The following TTLL11 variants were observed in gnomAD, a reference collection of about 807,000 sequenced individuals.
The protein encoded by TTLL11 is tubulin tyrosine ligase like 11.
Under a neutral mutation model 51.7 loss-of-function variants are expected in TTLL11, and 42 were observed. The ratio of observed to expected loss-of-function variants is 0.81; its 90% CI spans 0.64 to 1.05. The LOEUF is 1.05. Among genes scored for constraint, TTLL11 ranks in the 50% least tolerant of loss-of-function variants. The pLI, the probability that TTLL11 is intolerant of heterozygous loss-of-function variation, is 0.00. For synonymous variants in TTLL11, 381 were observed against 383.5 expected, an observed-to-expected ratio of 0.99 and a Z score of 0.08; for missense variants, 799 against 940.4, an observed-to-expected ratio of 0.85 and a Z score of 1.97.
chr9:121,964,544 G>A (rs1339389537), intron 6 of TTLL11, among the ~76,000 whole-genome samples: 3 of 152,026 alleles, frequency 2.0e-5, no homozygotes, highest in South Asian at 2.1e-4. Flanking sequence ...GTGATCCACC[G>A]CCTAGGCATC....
Position 121,877,543 on chromosome 9 carries a change from A to G in TTLL11, c.1482-6795T>C, listed in dbSNP as rs561077603. ...ATTCCCACCTATTCCCCTTCACGCAATGACCCTTCCTCCCCACAAACCCCG... is the reference window on the plus strand; with the variant it reads ...ATTCCCACCTATTCCCCTTCACGCAGTGACCCTTCCTCCCCACAAACCCCG... On this transcript the variant is annotated intron_variant, in intron 6 of 8. Transcript: ENST00000321582. Among the ~76,000 whole-genome samples, 6 of 152,206 alleles carry G rather than the reference A, an allele frequency of 3.9e-5. No individual in the cohort carries two copies. The South Asian group carries it at 1.0e-3, about 26-fold the overall frequency.
intron 3 of TTLL11, among the ~76,000 whole-genome samples, chr9:122,029,150 C>A (rs1208534860): frequency 1.3e-5 from 2 of 152,106 alleles, no homozygotes; most frequent in African/African-American, 4.8e-5. Flanking sequence ...TATAAAAGTG[C>A]AGTATAATAC....
At chr9:122,087,694 C>G (rs1038721654) in intron 1 of TTLL11, among the ~76,000 whole-genome samples, 1 of 152,170 alleles carries the variant, frequency 6.6e-6, no homozygotes, top group Non-Finnish European at 1.5e-5. Context: ...GGCGTCTACT[C>G]TCTATGGTGT....
intron 6 of TTLL11, among the ~76,000 whole-genome samples, chr9:121,924,257 A>G (rs141132812): frequency 4.5e-4 from 68 of 152,314 alleles, no homozygotes; most frequent in Non-Finnish European, 7.5e-4. Context: ...AGTACAGTGC[A>G]TGGCCCATTG....
chr9:121,942,890 T>A (rs1002978061), intron 6 of TTLL11, among the ~76,000 whole-genome samples: 1 of 152,088 alleles, frequency 6.6e-6, no homozygotes, highest in Non-Finnish European at 1.5e-5. Flanking sequence ...CAACATCCCC[T>A]CATTCAAGAA....
At chr9:122,027,150 G>T (rs1429056093) in intron 3 of TTLL11, among the ~76,000 whole-genome samples, 1 of 152,132 alleles carries the variant, frequency 6.6e-6, no homozygotes, top group African/African-American at 2.4e-5. Flanking sequence ...TGGAGCAGGA[G>T]CAAGAGAGAA....
At chr9:122,078,908 G>GA (rs1471355242) in intron 1 of TTLL11, among the ~76,000 whole-genome samples, 2 of 151,958 alleles carry the variant, frequency 1.3e-5, no homozygotes, top group South Asian at 2.1e-4. Flanking sequence ...AAATTTCCCT[G>GA]AAAAAAACAA....
intron 3 of TTLL11, among the ~76,000 whole-genome samples, chr9:121,998,356 G>A (rs985628744): frequency 1.4e-4 from 21 of 151,932 alleles, no homozygotes; most frequent in African/African-American, 4.6e-4. Flanking sequence ...GCGTGATCTC[G>A]GCTCACTGCA....
intron 6 of TTLL11, among the ~76,000 whole-genome samples, chr9:121,957,864 A>G (rs1400640538): frequency 3.9e-5 from 6 of 152,064 alleles, no homozygotes; most frequent in African/African-American, 9.7e-5. Context: ...GGTCTACCCA[A>G]CTCCTTACAG....
chr9:121,957,391 C>A (rs947764511), intron 6 of TTLL11, among the ~76,000 whole-genome samples: 2 of 152,214 alleles, frequency 1.3e-5, no homozygotes, highest in Non-Finnish European at 2.9e-5. Context: ...CCCGCCCCCT[C>A]TTTCCTCCTC....
At chr9:121,903,302 G>A (rs943033988) in intron 6 of TTLL11, among the ~76,000 whole-genome samples, 10 of 152,124 alleles carry the variant, frequency 6.6e-5, no homozygotes, top group Non-Finnish European at 1.5e-4. Context: ...CCATCCTGCC[G>A]TACTGCTTTT....
At chr9:121,996,404 C>T (rs1478926244) in intron 3 of TTLL11, among the ~76,000 whole-genome samples, 2 of 152,176 alleles carry the variant, frequency 1.3e-5, no homozygotes, top group East Asian at 3.8e-4. Flanking sequence ...TGAGCTTCCC[C>T]ATATCTTCAT....
chr9:121,963,099 A>C (rs1000251362), intron 6 of TTLL11, among the ~76,000 whole-genome samples: 1 of 151,886 alleles, frequency 6.6e-6, no homozygotes, highest in Non-Finnish European at 1.5e-5. Flanking sequence ...CAACCTCTCC[A>C]AGCCTCGATG....
chr9:122,011,418 G>C (rs1280654781), intron 3 of TTLL11, among the ~76,000 whole-genome samples: 1 of 152,192 alleles, frequency 6.6e-6, no homozygotes, highest in Middle Eastern at 3.4e-3. Flanking sequence ...AGTATATAAT[G>C]TATTCACGAT....
intron 6 of TTLL11, among the ~76,000 whole-genome samples, chr9:121,888,462 T>G (rs1022365523): frequency 1.3e-5 from 2 of 152,216 alleles, no homozygotes; most frequent in Non-Finnish European, 2.9e-5. Context: ...TGTGACAACG[T>G]CCTTGGCTCT....
chr9:121,948,644 G>A (rs1378724978), intron 6 of TTLL11, among the ~76,000 whole-genome samples: 1 of 152,198 alleles, frequency 6.6e-6, no homozygotes, highest in Non-Finnish European at 1.5e-5. Context: ...GAAGTTTGAA[G>A]AGCAACTTGC....
chr9:121,943,171 C>T (rs1199554318), intron 6 of TTLL11, among the ~76,000 whole-genome samples: 1 of 152,134 alleles, frequency 6.6e-6, no homozygotes, highest in African/African-American at 2.4e-5. Context: ...GAGTGAGCAC[C>T]GCTGACCAAT....
rs5900503 is a variant in TTLL11, at chr9:121,916,522, GA to G, written c.1482-45775del. On this transcript the variant is annotated intron_variant, in intron 6 of 8. Coordinates refer to ENST00000321582, the MANE Select transcript of TTLL11 (RefSeq NM_001139442.2). ...ATAATTTTAAAAACAAAGCAATAAA[GA>G]AAAAAAAGCCTTGATACACAGTGGC... Among the ~76,000 whole-genome samples the G allele has an allele frequency of 2.3e-3, 350 of 151,524 alleles. 1 individual carries two copies. Among genetic ancestry groups the G allele is most frequent in the Non-Finnish European group, 3.7e-3 (249 of 67,796 alleles).
chr9:121,954,197 T>G (rs1841948726), intron 6 of TTLL11, among the ~76,000 whole-genome samples: 1 of 152,234 alleles, frequency 6.6e-6, no homozygotes, highest in Non-Finnish European at 1.5e-5. Context: ...CACTTGTCTG[T>G]TCACTTCATG....
Sources: allele counts gnomAD v4.1 joint callset (sites outside exome capture counted in the v4.1 genomes callset), GRCh38; gene constraint gnomAD v4.1.1; transcripts MANE v1.5; gene names NCBI Gene and HGNC (gene_info 2026-07-23, HGNC 2026-07-21).